Variants in HNRNPUL1 observed in about 807,000 individuals in gnomAD.
HNRNPUL1 encodes heterogeneous nuclear ribonucleoprotein U like 1.
In HNRNPUL1, 14 loss-of-function variants were observed where a neutral mutation model predicts 108.5. The ratio of observed to expected loss-of-function variants is 0.13; its 90% CI spans 0.09 to 0.20. The LOEUF (loss-of-function observed/expected upper bound fraction) is 0.20, where lower values mean the gene tolerates loss of function less well. HNRNPUL1 is among the 10% of genes least tolerant of loss of function. The probability of loss-of-function intolerance (pLI) is 1.00; values close to 1 mark genes in which losing one functional copy is unlikely to be tolerated. For synonymous variants in HNRNPUL1, 422 were observed against 445.2 expected, an observed-to-expected ratio of 0.95 and a Z score of 0.66; for missense variants, 804 against 1,168.3, an observed-to-expected ratio of 0.69 and a Z score of 4.55.
intron 5 of HNRNPUL1, 52 bp downstream of exon 5, chr19:41,276,350 T>C (rs2035555684): frequency 6.5e-7 from 1 of 1,546,836 alleles, no homozygotes; most frequent in Non-Finnish European, 8.7e-7. Flanking sequence ...TCCATTGTAA[T>C]ATCCTGATAC....
chr19:41,301,691 C>T lies in HNRNPUL1; in HGVS notation c.1674C>T (p.Val558=), dbSNP rs150825942. 263 of 1,612,618 alleles carry T rather than the reference C, an allele frequency of 1.6e-4. No individual in the cohort carries two copies. In the African/African-American group the frequency reaches 3.0e-3, roughly 18 times the overall value. ...EEGKDVPDHA[V]LEMKANFTLP... is the part of the protein sequence containing the mutation. ...GGAAGGATGTCCCAGATCATGCGGT[C>T]TTAGAAATGAAAGGTAGGAAATGAG... Residue 558 remains valine (V), a synonymous_variant, in exon 11 of 15, where the codon GTC becomes GTT. Transcript: ENST00000392006.
intron 1 of HNRNPUL1, chr19:41,268,017 A>C: frequency 2.2e-6 from 1 of 453,862 alleles, no homozygotes; most frequent in Non-Finnish European, 3.9e-6. Context: ...TGTCTGTCTC[A>C]CTAAACTGAA....
Position 41,292,592 on chromosome 19 carries a change from G to A in HNRNPUL1, c.1266+81G>A. ...CACACACACACACACACACAGACTT[G>A]CTGCGAGAGTAGCCTTGGGGCAAGT... On this transcript the variant is annotated intron_variant, in intron 8 of 14. Coordinates refer to ENST00000392006, the MANE Select transcript of HNRNPUL1 (RefSeq NM_007040.6). The surrounding 1 kb of genome is among the most constrained non-coding windows in gnomAD (Gnocchi z 4.1). 1.3e-6 allele frequency: 2 copies of A among 1,506,776 alleles called. No individual in the cohort carries two copies. The highest frequency in any genetic ancestry group is 1.8e-6 in the Non-Finnish European group (2 of 1,094,090). The allele number at this position is 1,506,776 out of a possible 1,614,324, so 93.3% of individuals were successfully genotyped here.
At chr19:41,297,398 C>T (rs1267259483) in intron 10 of HNRNPUL1, among the ~76,000 whole-genome samples, 3 of 152,112 alleles carry the variant, frequency 2.0e-5, no homozygotes, top group Non-Finnish European at 4.4e-5. Flanking sequence ...AGGTTTTCAT[C>T]CGGAGGAATG....
Sources: allele counts gnomAD v4.1 joint callset (sites outside exome capture counted in the v4.1 genomes callset), GRCh38; gene constraint gnomAD v4.1.1; non-coding constraint Gnocchi (gnomAD v3.1); transcripts MANE v1.5; gene names NCBI Gene and HGNC (gene_info 2026-07-23, HGNC 2026-07-21).